The following FRMPD4 variants were observed in gnomAD, a reference collection of about 807,000 sequenced individuals.
FRMPD4 encodes FERM and PDZ domain-containing protein 4.
FRMPD4 carries 22 observed loss-of-function variants against 94.1 expected under a neutral mutation model. The observed-to-expected ratio is 0.23, with a 90% CI of 0.17 to 0.33. The LOEUF (loss-of-function observed/expected upper bound fraction) is 0.33. Ranked by LOEUF, FRMPD4 falls within the 10% of genes least tolerant of loss-of-function variation. FRMPD4 has a pLI of 1.00. For synonymous variants in FRMPD4, 631 were observed against 548.6 expected (o/e 1.15, Z -2.10); for missense variants, 1,111 against 1,339.9 (o/e 0.83, Z 2.67).
chrX:12,148,039 G>A (rs2055794232), intron 1 of FRMPD4, among the ~76,000 whole-genome samples: 1 of 111,781 alleles, frequency 8.9e-6, no homozygotes, highest in Non-Finnish European at 1.9e-5. Context: ...TGTTCCTTGA[G>A]ACATAACAAT....
chrX:12,610,758 A>G (rs985803733), intron 3 of FRMPD4, among the ~76,000 whole-genome samples: 2 of 110,223 alleles, frequency 1.8e-5, no homozygotes, highest in African/African-American at 3.3e-5. Context: ...AAAAAAAAAA[A>G]AAAAGAGTTT....
intron 1 of FRMPD4, among the ~76,000 whole-genome samples, chrX:12,466,457 A>G (rs968561932): frequency 3.6e-5 from 4 of 112,436 alleles, no homozygotes; most frequent in African/African-American, 1.3e-4. Context: ...CCCTGAATGC[A>G]TCCATGGTCT....
intron 1 of FRMPD4, among the ~76,000 whole-genome samples, chrX:12,281,770 C>T (rs1220948399): frequency 8.9e-6 from 1 of 111,857 alleles, no homozygotes; most frequent in Admixed American, 9.5e-5. Flanking sequence ...ACACTGTGCT[C>T]TGTAGACATC....
intron 1 of FRMPD4, among the ~76,000 whole-genome samples, chrX:12,368,230 T>C (rs1346674741): frequency 8.9e-6 from 1 of 111,807 alleles, no homozygotes; most frequent in Non-Finnish European, 1.9e-5. Context: ...AGGCAAGTGC[T>C]AAAGGAGATG....
chrX:12,481,313 G>T, intron 1 of FRMPD4, among the ~76,000 whole-genome samples: 1 of 111,503 alleles, frequency 9.0e-6, no homozygotes, highest in South Asian at 3.8e-4. Flanking sequence ...TCCCCTCCTA[G>T]TAAAGAGTTT....
intron 1 of FRMPD4, among the ~76,000 whole-genome samples, chrX:11,829,826 T>G (rs973914082): frequency 8.9e-6 from 1 of 112,068 alleles, no homozygotes; most frequent in African/African-American, 3.2e-5. Context: ...ACATGAAATC[T>G]CAGTTTAAAA....
intron 16 of FRMPD4, among the ~76,000 whole-genome samples, chrX:12,720,045 GA>G: frequency 7.7e-5 from 1 of 13,044 alleles, no homozygotes; most frequent in East Asian, 2.4e-3. Flanking sequence ...GAAAGGAAAG[GA>G]AAGGAAAGAA....
chrX:12,363,004 C>A (rs1160712849), intron 1 of FRMPD4, among the ~76,000 whole-genome samples: 5 of 112,413 alleles, frequency 4.4e-5, no homozygotes, highest in Non-Finnish European at 7.5e-5. Context: ...TAAATGTCTT[C>A]TTTTGAGAAG....
In FRMPD4 at chrX:12,723,386, T is replaced by A. The variant is rs1229134317; in HGVS notation, c.*1528T>A. Reference sequence around the variant, plus strand: ...TTTGTAGCCTGCTGAGAAGGAGTCATAACACAGTCCACAATTGCAATCTCT... The same window carrying A: ...TTTGTAGCCTGCTGAGAAGGAGTCAAAACACAGTCCACAATTGCAATCTCT... On this transcript the variant is annotated 3_prime_UTR_variant, in exon 17 of 17. Coordinates refer to ENST00000675598, the MANE Select transcript of FRMPD4 (RefSeq NM_001368397.1). 3 of 111,374 alleles carry A rather than the reference T, an allele frequency of 2.7e-5. No individual in the cohort carries two copies. The highest frequency in any genetic ancestry group is 5.7e-5 in the Non-Finnish European group (3 of 53,076). The allele number at this position is 111,374 out of a possible 1,213,427, so 9.2% of individuals were successfully genotyped here.
intron 3 of FRMPD4, among the ~76,000 whole-genome samples, chrX:11,883,940 G>C (rs2053829349): frequency 8.9e-6 from 1 of 111,881 alleles, no homozygotes; most frequent in Admixed American, 9.5e-5. Context: ...CTATGTTGAT[G>C]TGGTCCCAGA....
chrX:12,292,601 G>T (rs1207984593), intron 1 of FRMPD4, among the ~76,000 whole-genome samples: 1 of 111,485 alleles, frequency 9.0e-6, no homozygotes, highest in African/African-American at 3.3e-5. Flanking sequence ...GCTTGTAATT[G>T]AGGAAACAAG....
chrX:12,380,109 T>TTGA lies in FRMPD4; in HGVS notation c.42-118570_42-118569insGAT, dbSNP rs769505171. Among the ~76,000 whole-genome samples, 6 of 112,003 alleles carry TTGA rather than the reference T, an allele frequency of 5.4e-5. No individual in the cohort carries two copies. In the South Asian group the frequency reaches 2.3e-3, roughly 42 times the overall value. Reference sequence around the variant, plus strand: ...AAAAATGATTTTGTTTGATGACACATTCTTCAATTGTTCTGAGCCTATAAA... The same window carrying TTGA: ...AAAAATGATTTTGTTTGATGACACATTGATCTTCAATTGTTCTGAGCCTATAAA... On this transcript the variant is annotated intron_variant, in intron 1 of 16. Transcript: ENST00000675598.
At chrX:12,040,614 C>T (rs1253697237) in intron 3 of FRMPD4, among the ~76,000 whole-genome samples, 1 of 86,775 alleles carries the variant, frequency 1.2e-5, no homozygotes, top group East Asian at 3.8e-4. Flanking sequence ...GGCTGGAGTG[C>T]AATGGTGTGA....
rs1185973468 is a variant in FRMPD4 at position 12,718,160 on chromosome X, G to T, written c.3334G>T (p.Gly1112Trp). Reference protein sequence around the residue: ...AEKSGLEAATGKTFPRASGLG... With the variant: ...AEKSGLEAATWKTFPRASGLG... ...AAAAAGTGGATTAGAAGCAGCAACA[G>T]GGAAAACCTTTCCAAGAGCTTCTGG... Residue 1112 changes from glycine to tryptophan, a missense_variant, in exon 16 of 17, where the codon GGG becomes TGG. Coordinates refer to ENST00000675598, the MANE Select transcript of FRMPD4 (RefSeq NM_001368397.1). 8.3e-7 allele frequency: 1 copy of T among 1,210,264 alleles called. No homozygotes were observed. The highest frequency in any genetic ancestry group is 1.7e-5 in the African/African-American group (1 of 57,262).
chrX:11,983,714 A>G (rs1022381451), intron 3 of FRMPD4, among the ~76,000 whole-genome samples: 4 of 111,921 alleles, frequency 3.6e-5, no homozygotes, highest in East Asian at 2.8e-4. Flanking sequence ...CCTGCTGTTC[A>G]TTGCTGTTTT....
intron 3 of FRMPD4, among the ~76,000 whole-genome samples, chrX:11,888,906 C>T (rs1227013378): frequency 8.9e-6 from 1 of 112,117 alleles, no homozygotes; most frequent in Non-Finnish European, 1.9e-5. Context: ...GCAGGGTTGC[C>T]ACAAGCCATT....
intron 1 of FRMPD4, among the ~76,000 whole-genome samples, chrX:12,222,495 G>T (rs1569196817): frequency 8.9e-6 from 1 of 111,928 alleles, no homozygotes; most frequent in Admixed American, 9.5e-5. Context: ...CATCGTTTTT[G>T]AGATATATTG....
chrX:12,693,970 A>T (rs1211581783), intron 8 of FRMPD4, among the ~76,000 whole-genome samples: 2 of 110,832 alleles, frequency 1.8e-5, no homozygotes, highest in African/African-American at 6.6e-5. Flanking sequence ...TATAGCTACC[A>T]CTCCATGGTC....
At chrX:12,090,435 A>T (rs1368699076) in intron 3 of FRMPD4, among the ~76,000 whole-genome samples, 1 of 109,955 alleles carries the variant, frequency 9.1e-6, no homozygotes, top group Non-Finnish European at 1.9e-5. Flanking sequence ...CTGTGAGCCA[A>T]TTAAGCCTAT....
Sources: gnomAD v4.1 joint callset for allele counts (sites outside exome capture counted in the v4.1 genomes callset) on GRCh38, gnomAD v4.1.1 for gene constraint, MANE v1.5 for transcripts, NCBI Gene and HGNC (gene_info 2026-07-23, HGNC 2026-07-21) for gene names.